The following PPP4R1 variants were observed in gnomAD, a reference collection of about 807,000 sequenced individuals.
PPP4R1 encodes protein phosphatase 4 regulatory subunit 1.
In PPP4R1, 42 loss-of-function variants were observed where a neutral mutation model predicts 111.2. That is an observed-to-expected ratio of 0.38 (90% CI 0.29 to 0.49). The LOEUF is 0.49. Ranked by LOEUF, PPP4R1 falls within the 20% of genes least tolerant of loss-of-function variation. The pLI, the probability that PPP4R1 is intolerant of heterozygous loss-of-function variation, is 0.97. For synonymous variants in PPP4R1, 409 were observed against 405.5 expected (o/e 1.01, Z -0.10); for missense variants, 1,012 against 1,161.6 (o/e 0.87, Z 1.87).
chr18:9,555,901 C>T (rs868122675), intron 15 of PPP4R1, among the ~76,000 whole-genome samples: 6 of 151,924 alleles, frequency 3.9e-5, no homozygotes, highest in African/African-American at 9.7e-5. Flanking sequence ...CTTTGGGAGG[C>T]CAAGGTGGGC....
At chr18:9,556,975 T>C (rs1300355869) in intron 15 of PPP4R1, 1 of 311,982 alleles carries the variant, frequency 3.2e-6, no homozygotes, top group Non-Finnish European at 5.8e-6. Context: ...TTAACATACA[T>C]TTCACTCAAT....
chr18:9,554,661 T>A (rs182595566), intron 15 of PPP4R1, among the ~76,000 whole-genome samples: 1 of 152,086 alleles, frequency 6.6e-6, no homozygotes, highest in African/African-American at 2.4e-5. Flanking sequence ...CCAGGAGCAA[T>A]GAGCACTTCC....
intron 2 of PPP4R1, among the ~76,000 whole-genome samples, chr18:9,599,123 G>A (rs556219254): frequency 7.9e-5 from 12 of 152,112 alleles, no homozygotes; most frequent in East Asian, 1.9e-4. Context: ...ATAAAAATAC[G>A]TACTAAGAAA....
chr18:9,588,627 C>T, intron 5 of PPP4R1, 84 bp downstream of exon 5: 1 of 1,322,546 alleles, frequency 7.6e-7, no homozygotes, highest in Non-Finnish European at 1.0e-6. Context: ...GTAAAACATT[C>T]CAAAGAGAAC....
At chr18:9,602,490 G>C (rs916603145) in intron 2 of PPP4R1, among the ~76,000 whole-genome samples, 9 of 150,526 alleles carry the variant, frequency 6.0e-5, no homozygotes, top group Admixed American at 6.0e-4. Context: ...AGCTTGCAGT[G>C]AGCCGAGATT....
chr18:9,580,090 A>T (rs1217880550), intron 9 of PPP4R1, among the ~76,000 whole-genome samples: 1 of 152,220 alleles, frequency 6.6e-6, no homozygotes, highest in East Asian at 1.9e-4. Context: ...CAAAAACATT[A>T]ATATAATATC....
rs774521650 is a variant in PPP4R1, at chr18:9,549,187, C to T, written c.2689+10G>A. The T allele has an allele frequency of 1.9e-6, 3 of 1,609,842 alleles. No homozygotes were observed. Among genetic ancestry groups the T allele is most frequent in the East Asian group, 4.5e-5 (2 of 44,732 alleles). On this transcript the variant is annotated intron_variant, in intron 19 of 19. Transcript: ENST00000400556. ...ACTCACACGCTTCTTCTAGTGGAGT[C>T]ACTACCTACCTTTTTCTAGTAGAGT... is the stretch of plus-strand genomic sequence containing the variant.
At chr18:9,600,528 C>A (rs1167661211) in intron 2 of PPP4R1, among the ~76,000 whole-genome samples, 1 of 152,006 alleles carries the variant, frequency 6.6e-6, no homozygotes, top group Non-Finnish European at 1.5e-5. Flanking sequence ...AAATTTCAAC[C>A]ATTAGGTTGA....
Position 9,561,218 on chromosome 18 carries a change from C to CTAATAATAA in PPP4R1, c.1842+753_1842+761dup, listed in dbSNP as rs111924050. On this transcript the variant is annotated intron_variant, in intron 13 of 19. Coordinates refer to ENST00000400556, the MANE Select transcript of PPP4R1 (RefSeq NM_001042388.3). ...TGGGTGACAGAGTGAGACTCCATCT[C>CTAATAATAA]TAATAATAATAATAATAATAATAAT... Among the ~76,000 whole-genome samples, 534 of 139,102 alleles carry CTAATAATAA rather than the reference C, an allele frequency of 3.8e-3. 2 individuals are homozygous for CTAATAATAA. Among genetic ancestry groups the CTAATAATAA allele is most frequent in the Middle Eastern group, 7.4e-3 (2 of 270 alleles). The allele number at this position is 139,102 out of a possible 152,430, so 91.3% of individuals were successfully genotyped here. A position where few individuals can be genotyped will look rare whatever the true frequency, so the allele number is the denominator to read the frequency against.
intron 11 of PPP4R1, among the ~76,000 whole-genome samples, chr18:9,564,729 TGTGTGTGTGG>T (rs753870663): frequency 0.044 from 2,566 of 57,772 alleles, 29 homozygotes; most frequent in Non-Finnish European, 0.069. Context: ...TGTGTGTGTG[TGTGTGTGTGG>T]GGGTATCATC....
At chr18:9,596,809 T>G (rs928317978) in intron 2 of PPP4R1, among the ~76,000 whole-genome samples, 1 of 152,228 alleles carries the variant, frequency 6.6e-6, no homozygotes, top group Non-Finnish European at 1.5e-5. Flanking sequence ...ATAACATTTT[T>G]ACTCCCAACA....
In PPP4R1 at chr18:9,547,572, TC is replaced by T; in HGVS notation, c.*216del. Reference sequence around the variant, plus strand: ...AATTATAATCCTCTGAGAAATTATTTCCCCTTAAAGTCAAGATAAGATAATA... The same window carrying T: ...AATTATAATCCTCTGAGAAATTATTTCCCTTAAAGTCAAGATAAGATAATA... On this transcript the variant is annotated 3_prime_UTR_variant, in exon 20 of 20. Transcript: ENST00000400556. The T allele has an allele frequency of 2.2e-6, 1 of 462,222 alleles. No homozygotes were observed. The highest frequency in any genetic ancestry group is 3.3e-5 in the Admixed American group (1 of 29,940). The allele number at this position is 462,222 out of a possible 1,614,324, so 28.6% of individuals were successfully genotyped here. A position where few individuals can be genotyped will look rare whatever the true frequency, so the allele number is the denominator to read the frequency against.
rs142196572 is a variant in PPP4R1 at position 9,601,594 on chromosome 18, G to A, written c.53-6441C>T. The stretch of plus-strand genomic sequence containing the variant: ...TGCAACCTCCGCCTCCCAGGTTCAA[G>A]CAATTCTTATGCCTCAGCCTCTTGA... On this transcript the variant is annotated intron_variant, in intron 2 of 19. Coordinates refer to ENST00000400556, the MANE Select transcript of PPP4R1 (RefSeq NM_001042388.3). Among the ~76,000 whole-genome samples the A allele has an allele frequency of 8.2e-3, 1,251 of 152,202 alleles. 18 individuals are homozygous for A. Among genetic ancestry groups the A allele is most frequent in the African/African-American group, 0.028 (1,180 of 41,518 alleles).
In PPP4R1 at chr18:9,563,419, T is replaced by C; in HGVS notation, c.1705A>G (p.Asn569Asp). The C allele has an allele frequency of 6.2e-7, 1 of 1,613,216 alleles. No individual in the cohort carries two copies. The highest frequency in any genetic ancestry group is 8.5e-7 in the Non-Finnish European group (1 of 1,179,506). ...DINELPNCKI[N>D]QEDSVPLISD... ...ATTAAAGGCACAGAATCTTCTTGAT[T>C]TATTTTACAATTTGGTAGCTCATTT... is the stretch of plus-strand genomic sequence containing the variant. Residue 569 changes from asparagine (N) to aspartate (D), a missense_variant, in exon 12 of 20, where the codon AAT becomes GAT. Physicochemically the swap from Asn to Asp is conservative, Grantham distance 23. Transcript: ENST00000400556.
Position 9,602,415 on chromosome 18 carries a change from G to A in PPP4R1, c.53-7262C>T, listed in dbSNP as rs1003519680. 1.8e-4 allele frequency among the ~76,000 whole-genome samples: 27 copies of A among 150,300 alleles called. 1 individual carries two copies. The South Asian group carries it at 2.3e-3, about 13-fold the overall frequency. On this transcript the variant is annotated intron_variant, in intron 2 of 19. Coordinates refer to ENST00000400556, the MANE Select transcript of PPP4R1 (RefSeq NM_001042388.3). ...AAAAAAATTAGCCGGGCGTGGTGGC[G>A]GGCGCCTGTAGTCCCAGCTACTTGG...
chr18:9,561,165 G>A (rs1195766278), intron 13 of PPP4R1, among the ~76,000 whole-genome samples: 1 of 150,850 alleles, frequency 6.6e-6, no homozygotes. Context: ...GCTGCAGTAA[G>A]CTGAGATGGT....
intron 14 of PPP4R1, 58 bp from the exon 15 acceptor site, chr18:9,557,440 T>C: frequency 7.0e-7 from 1 of 1,435,746 alleles, no homozygotes; most frequent in Non-Finnish European, 9.4e-7. Flanking sequence ...ACTTTAACCA[T>C]TAGGCAATAT....
At chr18:9,572,154 C>T (rs184118343) in intron 10 of PPP4R1, among the ~76,000 whole-genome samples, 7 of 152,170 alleles carry the variant, frequency 4.6e-5, no homozygotes, top group African/African-American at 1.4e-4. Flanking sequence ...TAGCTATCCA[C>T]GTTGGGTTCT....
intron 2 of PPP4R1, chr18:9,613,543 A>G (rs958805462): frequency 5.3e-5 from 8 of 152,246 alleles, no homozygotes; most frequent in Non-Finnish European, 5.9e-5. Context: ...GGAAAGCTGC[A>G]CTGTTAACAC....
Sources: gnomAD v4.1 joint callset for allele counts (sites outside exome capture counted in the v4.1 genomes callset) on GRCh38, gnomAD v4.1.1 for gene constraint, MANE v1.5 for transcripts, NCBI Gene and HGNC (gene_info 2026-07-23, HGNC 2026-07-21) for gene names.